The following RNLS variants were observed in gnomAD, a reference collection of about 807,000 sequenced individuals.
RNLS encodes renalase, FAD dependent amine oxidase.
In RNLS, 39 loss-of-function variants were observed where a neutral mutation model predicts 39.8. The ratio of observed to expected loss-of-function variants is 0.98; its 90% CI spans 0.76 to 1.28. The LOEUF (loss-of-function observed/expected upper bound fraction) is 1.28, where lower values mean the gene tolerates loss of function less well. Ranked by LOEUF, RNLS falls within the 50% of genes most tolerant of loss-of-function variation. The probability of loss-of-function intolerance (pLI) is 0.00; values close to 1 mark genes in which losing one functional copy is unlikely to be tolerated. For missense variants in RNLS, 410 were observed against 413.3 expected, an observed-to-expected ratio of 0.99 and a Z score of 0.07; for synonymous variants, 147 against 150.7, an observed-to-expected ratio of 0.98 and a Z score of 0.18.
the RNLS span, among the ~76,000 whole-genome samples, chr10:88,181,797 G>T: frequency 6.6e-6 from 1 of 152,042 alleles, no homozygotes; most frequent in African/African-American, 2.4e-5. Context: ...TAGCTATTTG[G>T]TTTCTATAGT....
the RNLS span, among the ~76,000 whole-genome samples, chr10:88,234,241 A>G: frequency 6.6e-6 from 1 of 151,718 alleles, no homozygotes; most frequent in African/African-American, 2.4e-5. Context: ...CATTTCCCTC[A>G]TCGCAATGCT....
At chr10:88,357,501 G>A (rs1283731902) in intron 5 of RNLS, among the ~76,000 whole-genome samples, 6 of 152,090 alleles carry the variant, frequency 3.9e-5, no homozygotes, top group Non-Finnish European at 8.8e-5. Flanking sequence ...TGTTCTAGGT[G>A]GCAACTACTT....
At chr10:88,424,092 C>T (rs1431232108) in intron 4 of RNLS, among the ~76,000 whole-genome samples, 1 of 152,178 alleles carries the variant, frequency 6.6e-6, no homozygotes, top group Non-Finnish European at 1.5e-5. Flanking sequence ...CTTTGATTAC[C>T]ACATGGCATG....
the RNLS span, among the ~76,000 whole-genome samples, chr10:88,251,226 C>T: frequency 6.6e-6 from 1 of 152,192 alleles, no homozygotes; most frequent in Admixed American, 6.5e-5. Context: ...AAGAAGAGCA[C>T]TGCACTAGAA....
chr10:88,335,981 G>C (rs1296054323), intron 5 of RNLS, among the ~76,000 whole-genome samples: 2 of 152,216 alleles, frequency 1.3e-5, no homozygotes, highest in Non-Finnish European at 2.9e-5. Context: ...AGAGATGAAT[G>C]AATGAGGTAT....
At chr10:88,293,693 G>A (rs1843852994) in intron 6 of RNLS, among the ~76,000 whole-genome samples, 1 of 149,710 alleles carries the variant, frequency 6.7e-6, no homozygotes, top group South Asian at 2.1e-4. Flanking sequence ...ACTGGTCCAT[G>A]AAAAAAAAAA....
At chr10:88,408,003 C>T (rs965829434) in intron 4 of RNLS, among the ~76,000 whole-genome samples, 4 of 152,044 alleles carry the variant, frequency 2.6e-5, no homozygotes, top group Admixed American at 1.3e-4. Context: ...CACCCTCATT[C>T]CCAGTAGTGT....
the RNLS span, among the ~76,000 whole-genome samples, chr10:88,245,697 C>T: frequency 6.6e-6 from 1 of 151,534 alleles, no homozygotes; most frequent in Non-Finnish European, 1.5e-5. Context: ...CCTAAAATGT[C>T]TCCTTTCTAA....
At chr10:88,271,870 G>C (rs953446613), downstream of RNLS, among the ~76,000 whole-genome samples, 10 of 152,156 alleles carry the variant, frequency 6.6e-5, no homozygotes, top group Non-Finnish European at 2.9e-5. Flanking sequence ...CCAGGAGTTC[G>C]TTTCTGTATG....
chr10:88,437,708 C>T (rs1044805709), intron 4 of RNLS, among the ~76,000 whole-genome samples: 1 of 152,134 alleles, frequency 6.6e-6, no homozygotes, highest in African/African-American at 2.4e-5. Context: ...GTTATTTAGT[C>T]TAAGCCAATC....
the RNLS span, among the ~76,000 whole-genome samples, chr10:88,172,143 A>G: frequency 1.3e-5 from 2 of 152,216 alleles, no homozygotes; most frequent in African/African-American, 4.8e-5. Context: ...ATGAGGGTAC[A>G]TATATCTCTT....
chr10:88,520,003 G>A (rs191794365), intron 4 of RNLS, among the ~76,000 whole-genome samples: 6 of 152,014 alleles, frequency 3.9e-5, no homozygotes, highest in Non-Finnish European at 7.4e-5. Context: ...CTGAGTCCCC[G>A]AAGACCTAAA....
At chr10:88,210,206 TC>T in the RNLS span, among the ~76,000 whole-genome samples, 1 of 152,160 alleles carries the variant, frequency 6.6e-6, no homozygotes, top group African/African-American at 2.4e-5. Flanking sequence ...ATATTATCAC[TC>T]CCCTGGGAGG....
rs186725563 is a variant in RNLS at position 88,432,166 on chromosome 10, C to T, written c.527-69441G>A. Reference sequence around the variant, plus strand: ...TAATTAGGTATACATGTATTTAGGACTGTTTTGTTCTTTTGAATTAGCCCA... The same window carrying T: ...TAATTAGGTATACATGTATTTAGGATTGTTTTGTTCTTTTGAATTAGCCCA... On this transcript the variant is annotated intron_variant, in intron 4 of 6. Transcript: ENST00000331772. 6.6e-3 allele frequency among the ~76,000 whole-genome samples: 1,000 copies of T among 151,608 alleles called. 4 individuals are homozygous for T. The highest frequency in any genetic ancestry group is 0.024 in the Middle Eastern group (7 of 294).
At position 88,299,360 on chromosome 10, in the gene RNLS, C is replaced by T. The variant is rs187284387; in HGVS notation, c.877-13854G>A. Among the ~76,000 whole-genome samples the T allele has an allele frequency of 3.6e-3, 541 of 152,246 alleles. 5 individuals are homozygous for T. The highest frequency in any genetic ancestry group is 0.011 in the African/African-American group (468 of 41,552). On this transcript the variant is annotated intron_variant, in intron 6 of 6. Coordinates refer to ENST00000331772, the MANE Select transcript of RNLS (RefSeq NM_001031709.3). Reference sequence around the variant, plus strand: ...AATGTTGCCAGGCATGGGTGGTTCACGCCTGTAATCCCAGCACTTTGGGAG... The same window carrying T: ...AATGTTGCCAGGCATGGGTGGTTCATGCCTGTAATCCCAGCACTTTGGGAG...
intron 4 of RNLS, among the ~76,000 whole-genome samples, chr10:88,552,658 G>T (rs1418777500): frequency 6.6e-6 from 1 of 152,050 alleles, no homozygotes; most frequent in African/African-American, 2.4e-5. Context: ...ATTATATAAA[G>T]ATTTCAATCA....
intron 4 of RNLS, among the ~76,000 whole-genome samples, chr10:88,556,385 G>T (rs536595795): frequency 6.6e-6 from 1 of 152,246 alleles, no homozygotes; most frequent in Admixed American, 6.5e-5. Flanking sequence ...ATCATTTCTG[G>T]TCTCTGCATT....
chr10:88,426,685 GGTAC>G (rs1323776977), intron 4 of RNLS, among the ~76,000 whole-genome samples: 3 of 151,960 alleles, frequency 2.0e-5, no homozygotes, highest in Admixed American at 2.0e-4. Context: ...CCATGAGACA[GGTAC>G]TATTATTATC....
chr10:88,457,139 T>C (rs149701645), intron 4 of RNLS, among the ~76,000 whole-genome samples: 6 of 152,332 alleles, frequency 3.9e-5, no homozygotes, highest in South Asian at 2.1e-4. Context: ...CCATGACCCA[T>C]GAATTTTCAT....
Sources: gnomAD v4.1 joint callset for allele counts (sites outside exome capture counted in the v4.1 genomes callset) on GRCh38, gnomAD v4.1.1 for gene constraint, MANE v1.5 for transcripts, NCBI Gene and HGNC (gene_info 2026-07-23, HGNC 2026-07-21) for gene names.